Variants in RANBP2 observed in about 807,000 individuals in gnomAD.
RANBP2 encodes the protein RAN binding protein 2.
RANBP2 carries 57 observed loss-of-function variants against 303.6 expected under a neutral mutation model. The observed-to-expected ratio is 0.19, with a 90% CI of 0.15 to 0.23. The LOEUF (loss-of-function observed/expected upper bound fraction) is 0.23, where lower values mean the gene tolerates loss of function less well. Ranked by LOEUF, RANBP2 falls within the 10% of genes least tolerant of loss-of-function variation. RANBP2 has a pLI of 1.00. For synonymous variants in RANBP2, 1,167 were observed against 1,301.5 expected (o/e 0.90, Z 2.23); for missense variants, 3,138 against 3,780.8 (o/e 0.83, Z 4.46).
the RANBP2 span, among the ~76,000 whole-genome samples, chr2:109,344,753 G>T: frequency 1.8e-4 from 27 of 152,308 alleles, no homozygotes; most frequent in African/African-American, 6.3e-4. Flanking sequence ...GGAAAGGGTG[G>T]GCACAGGGAT....
At chr2:108,936,985 G>A in the RANBP2 span, among the ~76,000 whole-genome samples, 1 of 152,180 alleles carries the variant, frequency 6.6e-6, no homozygotes, top group Non-Finnish European at 1.5e-5. Flanking sequence ...CCTGTTCCCA[G>A]CCTCTCTGGC....
chr2:109,389,866 G>C, the RANBP2 span, among the ~76,000 whole-genome samples: 1 of 152,146 alleles, frequency 6.6e-6, no homozygotes, highest in South Asian at 2.1e-4. Flanking sequence ...CACCTGCCTG[G>C]GCTGTGGCTG....
At chr2:109,346,894 A>C in the RANBP2 span, among the ~76,000 whole-genome samples, 1 of 152,228 alleles carries the variant, frequency 6.6e-6, no homozygotes, top group East Asian at 1.9e-4. Flanking sequence ...GACTGCTACA[A>C]GTACATGCAG....
chr2:109,640,313 A>G, the RANBP2 span, among the ~76,000 whole-genome samples: 2 of 152,076 alleles, frequency 1.3e-5, no homozygotes, highest in African/African-American at 4.8e-5. Context: ...GTAGCCAGGC[A>G]TGCTGGTGCA....
At chr2:109,074,622 C>T in the RANBP2 span, among the ~76,000 whole-genome samples, 1 of 149,972 alleles carries the variant, frequency 6.7e-6, no homozygotes, top group South Asian at 2.1e-4. Context: ...ATAGCTTGAA[C>T]CTGGGAAGTG....
chr2:109,655,060 G>A, the RANBP2 span, among the ~76,000 whole-genome samples: 1 of 151,960 alleles, frequency 6.6e-6, no homozygotes, highest in African/African-American at 2.4e-5. Context: ...CCACCACCAT[G>A]CCCGGCTAAT....
downstream of RANBP2, chr2:108,786,980 C>CCGCGCAGCCGGCCTGGGGG (rs1678919048): frequency 8.6e-7 from 1 of 1,160,842 alleles, no homozygotes; most frequent in Non-Finnish European, 1.1e-6. Context: ...GCTCCGTGCC[C>CCGCGCAGCCGGCCTGGGGG]CGCGCAGCCG....
At chr2:109,627,831 G>T in the RANBP2 span, among the ~76,000 whole-genome samples, 2 of 152,208 alleles carry the variant, frequency 1.3e-5, no homozygotes, top group Admixed American at 6.5e-5. Flanking sequence ...GTTGTAAATA[G>T]ACGGTCTATT....
At chr2:108,878,987 A>G in the RANBP2 span, among the ~76,000 whole-genome samples, 2 of 152,008 alleles carry the variant, frequency 1.3e-5, no homozygotes, top group African/African-American at 4.8e-5. Flanking sequence ...GAACAAAAAT[A>G]TTTAGGATAA....
the RANBP2 span, among the ~76,000 whole-genome samples, chr2:108,914,129 G>A: frequency 4.6e-5 from 7 of 151,248 alleles, no homozygotes; most frequent in South Asian, 2.1e-4. Flanking sequence ...GCATGATGGC[G>A]CATGCCTGTA....
At chr2:108,724,772 A>G (rs1004679879) in intron 1 of RANBP2, among the ~76,000 whole-genome samples, 4 of 151,956 alleles carry the variant, frequency 2.6e-5, no homozygotes, top group African/African-American at 7.3e-5. Context: ...TGGGGAACTC[A>G]TGGTTCAGTA....
At chr2:109,276,754 G>A in the RANBP2 span, among the ~76,000 whole-genome samples, 45,200 of 151,846 alleles carry the variant, frequency 0.3, 7,082 homozygotes, top group East Asian at 0.46. Flanking sequence ...CTTCTCTGTT[G>A]TTTTGTTTCT....
the RANBP2 span, among the ~76,000 whole-genome samples, chr2:109,239,389 A>G: frequency 6.6e-6 from 1 of 152,242 alleles, no homozygotes; most frequent in East Asian, 1.9e-4. Flanking sequence ...TCACACAAAA[A>G]TGAACTGAAT....
the RANBP2 span, chr2:108,896,435 A>G: frequency 1.3e-5 from 2 of 156,990 alleles, no homozygotes; most frequent in African/African-American, 2.4e-5. Context: ...TAGAACTTCT[A>G]TTAACGTTTT....
At chr2:108,994,878 G>A in the RANBP2 span, among the ~76,000 whole-genome samples, 1 of 138,642 alleles carries the variant, frequency 7.2e-6, no homozygotes, top group African/African-American at 2.7e-5. Context: ...CGCCCAGGCC[G>A]GAGTGCAGTG....
chr2:108,745,795 A>G (rs961801123), intron 7 of RANBP2, among the ~76,000 whole-genome samples: 2 of 152,022 alleles, frequency 1.3e-5, no homozygotes, highest in African/African-American at 2.4e-5. Context: ...CTGTTGTCCT[A>G]TTTATGCAGG....
At chr2:109,477,544 AG>A in the RANBP2 span, among the ~76,000 whole-genome samples, 1 of 152,160 alleles carries the variant, frequency 6.6e-6, no homozygotes, top group African/African-American at 2.4e-5. Flanking sequence ...GGAAGAGGGC[AG>A]TTAAAGGGAC....
In RANBP2 at chr2:108,764,742, A is replaced by G; in HGVS notation, c.4203A>G (p.Pro1401=). The change falls in exon 20 of 29, where the codon CCA becomes CCG. Residue 1401 remains proline (P), a synonymous_variant. Transcript: ENST00000283195. ...AETVFTPKTS[P]ENVQDRFALV... is the part of the protein sequence containing the mutation. ...CTGTTTTTACTCCTAAAACCAGCCC[A>G]GAGAATGTTCAAGATCGATTTGCAT... is the stretch of plus-strand genomic sequence containing the variant. 6.2e-7 allele frequency: 1 copy of G among 1,614,110 alleles called. No homozygotes were observed. The highest frequency in any genetic ancestry group is 8.5e-7 in the Non-Finnish European group (1 of 1,179,984).
chr2:109,112,178 T>C, the RANBP2 span, among the ~76,000 whole-genome samples: 4 of 151,974 alleles, frequency 2.6e-5, no homozygotes, highest in African/African-American at 9.6e-5. Context: ...AAATGGTATT[T>C]CTAGTTCTAG....
Sources: allele counts gnomAD v4.1 joint callset (sites outside exome capture counted in the v4.1 genomes callset), GRCh38; gene constraint gnomAD v4.1.1; transcripts MANE v1.5; gene names NCBI Gene and HGNC (gene_info 2026-07-23, HGNC 2026-07-21).